Variants in RHPN1 observed in about 807,000 individuals in gnomAD.
RHPN1 encodes the protein rhophilin-1.
In RHPN1, 77 loss-of-function variants were observed where a neutral mutation model predicts 74.7. The observed-to-expected ratio is 1.03, with a 90% CI of 0.86 to 1.25. The LOEUF (loss-of-function observed/expected upper bound fraction) is 1.25, where lower values mean the gene tolerates loss of function less well. Among genes scored for constraint, RHPN1 ranks in the 50% most tolerant of loss-of-function variants. RHPN1 has a pLI of 0.00. For missense variants in RHPN1, 987 were observed against 932.2 expected (o/e 1.06, Z -0.77); for synonymous variants, 444 against 414.5 (o/e 1.07, Z -0.87).
Position 143,380,043 on chromosome 8 carries a change from C to T in RHPN1, c.1103-19C>T, listed in dbSNP as rs1246942106. 1 of 1,546,464 alleles carries T rather than the reference C, an allele frequency of 6.5e-7. No individual in the cohort carries two copies. Among genetic ancestry groups the T allele is most frequent in the Non-Finnish European group, 8.7e-7 (1 of 1,145,430 alleles). On this transcript the variant is annotated intron_variant, in intron 9 of 14. Transcript: ENST00000289013. ...CCAAGGCCCCCCCGCGCAGGGCTCA[C>T]AGCCTCTCTGTCCCCCAGCAGCGAC...
At chr8:143,380,441 C>T in intron 10 of RHPN1, 148 bp from the exon 11 acceptor site, 1 of 747,024 alleles carries the variant, frequency 1.3e-6, no homozygotes, top group Non-Finnish European at 2.1e-6. Context: ...AGCCCTCCTG[C>T]ACAGCCAGCT....
chr8:143,379,308 TC>T lies in RHPN1; in HGVS notation c.752-5del. 6.3e-7 allele frequency: 1 copy of T among 1,576,390 alleles called. No individual in the cohort carries two copies. Among genetic ancestry groups the T allele is most frequent in the Non-Finnish European group, 8.6e-7 (1 of 1,157,832 alleles). ...CCCTGCCTGTGTGAGCACCCCTCCC[TC>T]CGCAGGGGCCTTCAGCCTCCTGAGG... On this transcript the variant is annotated splice_polypyrimidine_tract_variant and splice_region_variant and intron_variant, in intron 7 of 14. Coordinates refer to ENST00000289013, the MANE Select transcript of RHPN1 (RefSeq NM_052924.3).
Position 143,382,564 on chromosome 8 carries a change from G to A in RHPN1, c.1926G>A (p.Gln642=), listed in dbSNP as rs765810322. The part of the protein sequence containing the change: ...RPLLNWSRKA[Q]QGKTGGCPQP... ...TCCTCAACTGGAGCCGAAAGGCCCA[G>A]CAGGGCAAGACTGGAGGCTGCCCCC... is the stretch of plus-strand genomic sequence containing the variant. The change falls in exon 15 of 15, where the codon CAG becomes CAA. Residue 642 remains glutamine (Q), a synonymous_variant. Coordinates refer to ENST00000289013, the MANE Select transcript of RHPN1 (RefSeq NM_052924.3). 2 of 1,611,536 alleles carry A rather than the reference G, an allele frequency of 1.2e-6. No homozygotes were observed. The highest frequency in any genetic ancestry group is 1.7e-6 in the Non-Finnish European group (2 of 1,179,712).
rs1317900991 is a variant in RHPN1 at position 143,379,357 on chromosome 8, G to A, written c.794G>A (p.Ser265Asn). The change falls in exon 8 of 15, where the codon AGC (serine) becomes AAC (asparagine). Residue 265 changes from serine to asparagine, a missense_variant. Coordinates refer to ENST00000289013, the MANE Select transcript of RHPN1 (RefSeq NM_052924.3). ...AGGGAGAACTTCTCCCATGCGCCGA[G>A]CCCAGACATGAGCGCTGCGTCCCTC... ...LLRENFSHAP[S>N]PDMSAASLCA... 1.9e-6 allele frequency: 3 copies of A among 1,604,402 alleles called. No homozygotes were observed. Among genetic ancestry groups the A allele is most frequent in the Admixed American group, 1.7e-5 (1 of 59,336 alleles).
chr8:143,378,357 C>CGGGGGGGGGGGGGCG lies in RHPN1; in HGVS notation c.459+11_459+12insGGGGGGGGGGGGGCG. On this transcript the variant is annotated intron_variant, in intron 5 of 14. Coordinates refer to ENST00000289013, the MANE Select transcript of RHPN1 (RefSeq NM_052924.3). ...GAGGCCCTGCGGCAGGTGTGTGGTT[C>CGGGGGGGGGGGGGCG]CCCCGCCCACCCACCCTCCTGCAGC... is the stretch of plus-strand genomic sequence containing the variant. 1.4e-5 allele frequency: 21 copies of CGGGGGGGGGGGGGCG among 1,520,834 alleles called. No individual in the cohort carries two copies. Among genetic ancestry groups the CGGGGGGGGGGGGGCG allele is most frequent in the Non-Finnish European group, 1.6e-5 (18 of 1,127,056 alleles). 94.2% of individuals were successfully genotyped at this position (1,520,834 alleles called of 1,614,324 possible).
chr8:143,376,698 CGTGTGCGTGTGT>C, intron 3 of RHPN1, 45 bp downstream of exon 3: 14 of 1,513,702 alleles, frequency 9.2e-6, no homozygotes, highest in Non-Finnish European at 1.2e-5. Context: ...TGTGTGTGCA[CGTGTGCGTGTGT>C]GTGTGCATGT....
At chr8:143,369,739 C>A (rs1817699535) in intron 1 of RHPN1, among the ~76,000 whole-genome samples, 3 of 152,202 alleles carry the variant, frequency 2.0e-5, no homozygotes, top group Non-Finnish European at 4.4e-5. Context: ...AGGCCCTGGG[C>A]GCCCACGCCC....
chr8:143,378,356 T>TCGGGGGGGGGGCGC lies in RHPN1; in HGVS notation c.459+11_459+12insGGGGGGGGGGCGCC. 1.3e-6 allele frequency: 2 copies of TCGGGGGGGGGGCGC among 1,525,440 alleles called. No individual in the cohort carries two copies. Among genetic ancestry groups the TCGGGGGGGGGGCGC allele is most frequent in the Non-Finnish European group, 1.8e-6 (2 of 1,136,350 alleles). The allele number at this position is 1,525,440 out of a possible 1,614,324, so 94.5% of individuals were successfully genotyped here. On this transcript the variant is annotated intron_variant, in intron 5 of 14. Coordinates refer to ENST00000289013, the MANE Select transcript of RHPN1 (RefSeq NM_052924.3). The stretch of plus-strand genomic sequence containing the variant: ...GGAGGCCCTGCGGCAGGTGTGTGGT[T>TCGGGGGGGGGGCGC]CCCCCGCCCACCCACCCTCCTGCAG...
At chr8:143,379,627 T>C in intron 8 of RHPN1, 119 bp downstream of exon 8, 1 of 1,449,840 alleles carries the variant, frequency 6.9e-7, no homozygotes, top group Non-Finnish European at 9.1e-7. Context: ...CCGAGCCAGC[T>C]GTTGTCCTGC....
intron 10 of RHPN1, 45 bp downstream of exon 10, chr8:143,380,220 C>A: frequency 7.5e-7 from 1 of 1,329,292 alleles, no homozygotes; most frequent in Non-Finnish European, 1.0e-6. Context: ...AGATGGTCAC[C>A]AACGGTGGCA....
At chr8:143,374,245 C>T (rs1292738783) in intron 1 of RHPN1, 25 of 985,322 alleles carry the variant, frequency 2.5e-5, no homozygotes, top group South Asian at 1.4e-4. Flanking sequence ...GAGGGGAAGA[C>T]CCAGTGCGTG....
chr8:143,375,535 C>T lies in RHPN1; in HGVS notation c.61-18C>T, dbSNP rs1162942060. The stretch of plus-strand genomic sequence containing the variant: ...GCGCCACGGGGTCGGGCTGTGATCG[C>T]CTGTGGCCTCCCTGCAGGGCTGTGA... On this transcript the variant is annotated intron_variant, in intron 1 of 14. Coordinates refer to ENST00000289013, the MANE Select transcript of RHPN1 (RefSeq NM_052924.3). 3 of 1,564,454 alleles carry T rather than the reference C, an allele frequency of 1.9e-6. No homozygotes were observed. Among genetic ancestry groups the T allele is most frequent in the Non-Finnish European group, 1.7e-6 (2 of 1,157,258 alleles).
rs373731913 is a variant in RHPN1 at position 143,379,783 on chromosome 8, C to T, written c.946-46C>T. The T allele has an allele frequency of 7.0e-6, 11 of 1,568,584 alleles. No individual in the cohort carries two copies. In the African/African-American group the frequency reaches 1.3e-4, roughly 19 times the overall value. On this transcript the variant is annotated intron_variant, in intron 8 of 14. Coordinates refer to ENST00000289013, the MANE Select transcript of RHPN1 (RefSeq NM_052924.3). ...GCTGGGTAGGGAGAAGCAGGCACCA[C>T]CTGGAGAGTGGGAGGCCCTCGCGTG...
chr8:143,365,168 T>A (rs1321888347), upstream of RHPN1, among the ~76,000 whole-genome samples: 1 of 151,904 alleles, frequency 6.6e-6, no homozygotes, highest in East Asian at 1.9e-4. Context: ...AAAATACCGA[T>A]GCGCATAAAC....
At chr8:143,369,242 C>T (rs1193259802) in intron 1 of RHPN1, among the ~76,000 whole-genome samples, 195 bp downstream of exon 1, 1 of 152,148 alleles carries the variant, frequency 6.6e-6, no homozygotes, top group African/African-American at 2.4e-5. Context: ...CTCATGTGAG[C>T]CGGGAAATGC....
intron 2 of RHPN1, among the ~76,000 whole-genome samples, 161 bp from the exon 3 acceptor site, chr8:143,376,364 G>GCTGCCC (rs1481609035): frequency 2.6e-5 from 4 of 152,234 alleles, no homozygotes; most frequent in African/African-American, 9.6e-5. Flanking sequence ...GGATCCCACT[G>GCTGCCC]CTGCCCCTGC....
intron 3 of RHPN1, among the ~76,000 whole-genome samples, chr8:143,377,176 G>C (rs1818337503): frequency 6.6e-6 from 1 of 152,160 alleles, no homozygotes; most frequent in Non-Finnish European, 1.5e-5. Context: ...GTGTGTCTCT[G>C]TGTGTGTGTG....
chr8:143,369,672 G>A (rs1001945989), intron 1 of RHPN1, among the ~76,000 whole-genome samples: 2 of 152,214 alleles, frequency 1.3e-5, no homozygotes, highest in Non-Finnish European at 2.9e-5. Context: ...TTGCTCTGCA[G>A]CCCAGAGCCT....
rs1270077080 is a variant in RHPN1, at chr8:143,381,799, C to T, written c.1636-8C>T. 2 of 1,611,172 alleles carry T rather than the reference C, an allele frequency of 1.2e-6. No homozygotes were observed. Among genetic ancestry groups the T allele is most frequent in the Non-Finnish European group, 8.5e-7 (1 of 1,179,078 alleles). On this transcript the variant is annotated splice_polypyrimidine_tract_variant and splice_region_variant and intron_variant, in intron 13 of 14. Transcript: ENST00000289013. ...TGTCCCCACCTCACCGTCCAAGTCTCCCCACAGGCGGCTGGCCTGAAGGAG... is the reference window on the plus strand; with the variant it reads ...TGTCCCCACCTCACCGTCCAAGTCTTCCCACAGGCGGCTGGCCTGAAGGAG...
Sources: gnomAD v4.1 joint callset for allele counts (sites outside exome capture counted in the v4.1 genomes callset) on GRCh38, gnomAD v4.1.1 for gene constraint, MANE v1.5 for transcripts, NCBI Gene and HGNC (gene_info 2026-07-23, HGNC 2026-07-21) for gene names.